Variants in CLASP2 observed in about 807,000 individuals in gnomAD.
CLASP2 encodes the protein CLIP-associating protein 2.
In CLASP2, 47 loss-of-function variants were observed where a neutral mutation model predicts 194.4. The observed-to-expected ratio is 0.24, with a 90% CI of 0.19 to 0.31. The LOEUF (loss-of-function observed/expected upper bound fraction) is 0.31, where lower values mean the gene tolerates loss of function less well. CLASP2 is among the 10% of genes least tolerant of loss of function. CLASP2 has a pLI of 1.00. For missense variants in CLASP2, 1,445 were observed against 1,823.6 expected (o/e 0.79, Z 3.78); for synonymous variants, 619 against 633.5 (o/e 0.98, Z 0.34).
chr3:33,602,384 C>T (rs2072496857), intron 18 of CLASP2: 3 of 622,364 alleles, frequency 4.8e-6, no homozygotes, highest in Admixed American at 2.7e-5. Context: ...TGGCGATCTG[C>T]CTGCTTAGTG....
In CLASP2 at chr3:33,581,935, T is replaced by C. The variant is rs1435902972; in HGVS notation, c.2240-7A>G. On this transcript the variant is annotated splice_region_variant and splice_polypyrimidine_tract_variant and intron_variant, in intron 22 of 38. Transcript: ENST00000682230. ...GGAATACGACTGCTTCGGGCTGGTG[T>C]GAAGCAACAGCAGCACACACAGTAA... The C allele has an allele frequency of 1.3e-6, 2 of 1,590,090 alleles. No individual in the cohort carries two copies. The highest frequency in any genetic ancestry group is 2.7e-5 in the African/African-American group (2 of 74,530).
At chr3:33,633,587 TACAGATTACAGA>T (rs2154295142) in intron 8 of CLASP2, among the ~76,000 whole-genome samples, 1 of 152,122 alleles carries the variant, frequency 6.6e-6, no homozygotes, top group African/African-American at 2.4e-5. Flanking sequence ...AATTGTCCAG[TACAGATTACAGA>T]ACAGATGTGA....
At position 33,559,027 on chromosome 3, in the gene CLASP2, C is replaced by T. The variant is rs187528419; in HGVS notation, c.3009+280G>A. 4.0e-4 allele frequency: 191 copies of T among 477,216 alleles called. 2 individuals carry two copies. In the East Asian group the frequency reaches 8.1e-3, roughly 20 times the overall value. 29.6% of individuals were successfully genotyped at this position (477,216 alleles called of 1,614,324 possible). A position where few individuals can be genotyped will look rare whatever the true frequency, so the allele number is the denominator to read the frequency against. ...ACATTTGAAATCAAATGTGTGCATGCGTAAAAGGCTTACAAAGGTTAGTAG... is the reference window on the plus strand; with the variant it reads ...ACATTTGAAATCAAATGTGTGCATGTGTAAAAGGCTTACAAAGGTTAGTAG... On this transcript the variant is annotated intron_variant, in intron 29 of 38. Transcript: ENST00000682230.
chr3:33,704,979 G>A (rs1387018997), intron 1 of CLASP2, among the ~76,000 whole-genome samples: 1 of 152,080 alleles, frequency 6.6e-6, no homozygotes, highest in East Asian at 1.9e-4. Context: ...GAAGAAAACA[G>A]TTTGGCAGTT....
intron 23 of CLASP2, among the ~76,000 whole-genome samples, chr3:33,580,458 G>A (rs1266538513): frequency 6.6e-6 from 1 of 152,096 alleles, no homozygotes; most frequent in South Asian, 2.1e-4. Flanking sequence ...AGCTACTCAG[G>A]AGGCTGAGGC....
chr3:33,672,580 A>G (rs1373877064), intron 6 of CLASP2, among the ~76,000 whole-genome samples: 1 of 152,254 alleles, frequency 6.6e-6, no homozygotes, highest in Non-Finnish European at 1.5e-5. Flanking sequence ...CAGCAACGGA[A>G]CAAAGCTGGA....
chr3:33,696,744 A>G (rs1228473306), intron 2 of CLASP2, 111 bp downstream of exon 2: 1 of 817,366 alleles, frequency 1.2e-6, no homozygotes, highest in African/African-American at 1.8e-5. Context: ...GGGATTACAG[A>G]AATTACATTT....
chr3:33,634,541 C>A (rs1230695549), intron 8 of CLASP2, among the ~76,000 whole-genome samples: 1 of 152,098 alleles, frequency 6.6e-6, no homozygotes, highest in Non-Finnish European at 1.5e-5. Context: ...ACAGAAAAGT[C>A]AAAAAATATC....
chr3:33,527,319 G>A (rs891554337), intron 34 of CLASP2, among the ~76,000 whole-genome samples: 9 of 152,112 alleles, frequency 5.9e-5, no homozygotes, highest in African/African-American at 2.2e-4. Flanking sequence ...AAAACCATCA[G>A]AAACTACTAC....
At chr3:33,622,725 T>C (rs1287892115) in intron 10 of CLASP2, among the ~76,000 whole-genome samples, 1 of 152,212 alleles carries the variant, frequency 6.6e-6, no homozygotes, top group Non-Finnish European at 1.5e-5. Context: ...TGTGTGACCA[T>C]TACCATCACT....
intron 1 of CLASP2, among the ~76,000 whole-genome samples, chr3:33,711,424 CTT>C (rs780380755): frequency 2.1e-4 from 29 of 136,046 alleles, no homozygotes; most frequent in African/African-American, 1.9e-4. Context: ...TTTTTTATTT[CTT>C]TTTTTTTTTT....
chr3:33,592,269 G>A (rs1206154683), intron 21 of CLASP2, 126 bp downstream of exon 21: 12 of 749,142 alleles, frequency 1.6e-5, no homozygotes, highest in Non-Finnish European at 2.4e-5. Flanking sequence ...CTCAGTATGT[G>A]GCTTGTCTTT....
intron 37 of CLASP2, 182 bp from the exon 38 acceptor site, chr3:33,501,950 T>C (rs2046945862): frequency 3.7e-6 from 2 of 546,552 alleles, no homozygotes; most frequent in East Asian, 3.1e-5. Context: ...CTCCCTTCAC[T>C]TCCCCTACTG....
intron 5 of CLASP2, among the ~76,000 whole-genome samples, chr3:33,684,693 T>C (rs1431882020): frequency 6.6e-6 from 1 of 152,146 alleles, no homozygotes; most frequent in Non-Finnish European, 1.5e-5. Context: ...AAGTTACTTA[T>C]TAAGCTTTTA....
rs1427987914 is a variant in CLASP2 at position 33,641,753 on chromosome 3, T to G, written c.862+3004A>C. ...CACGATTCCAAAGAAGCTCACTGTA[T>G]TTTTTTTTTTTTATTTTGGTAATCT... On this transcript the variant is annotated intron_variant, in intron 8 of 38. Coordinates refer to ENST00000682230, the MANE Select transcript of CLASP2 (RefSeq NM_001365631.1). 2.9e-5 allele frequency among the ~76,000 whole-genome samples: 4 copies of G among 136,704 alleles called. No homozygotes were observed. The South Asian group carries it at 8.8e-4, about 30-fold the overall frequency. 89.7% of individuals were successfully genotyped at this position (136,704 alleles called of 152,430 possible).
chr3:33,523,555 C>T (rs1397876515), intron 34 of CLASP2, among the ~76,000 whole-genome samples: 1 of 152,180 alleles, frequency 6.6e-6, no homozygotes, highest in East Asian at 1.9e-4. Flanking sequence ...AAGAATCCTA[C>T]ATCTGTCAAA....
intron 23 of CLASP2, chr3:33,577,391 T>C (rs1188868428): frequency 3.0e-6 from 2 of 676,534 alleles, no homozygotes; most frequent in Admixed American, 2.9e-5. Flanking sequence ...GATCAGAGTA[T>C]TGCCAAATAG....
chr3:33,625,328 T>TA (rs1416518113), intron 10 of CLASP2, among the ~76,000 whole-genome samples: 1 of 151,792 alleles, frequency 6.6e-6, no homozygotes, highest in Non-Finnish European at 1.5e-5. Flanking sequence ...CCCTAGAACT[T>TA]AAAGTATAAA....
chr3:33,544,929 C>A, intron 30 of CLASP2, 88 bp from the exon 31 acceptor site: 1 of 866,044 alleles, frequency 1.2e-6, no homozygotes, highest in Admixed American at 3.4e-5. Context: ...TTCAATAGCA[C>A]GAAGCTTGAC....
Sources: allele counts gnomAD v4.1 joint callset (sites outside exome capture counted in the v4.1 genomes callset), GRCh38; gene constraint gnomAD v4.1.1; transcripts MANE v1.5; gene names NCBI Gene and HGNC (gene_info 2026-07-23, HGNC 2026-07-21).